CFAP61: variants seen among roughly 807,000 people sequenced by gnomAD.
CFAP61 encodes cilia and flagella associated protein 61, also known as cilia- and flagella-associated protein 61.
A neutral mutation model predicts 135.6 loss-of-function variants in CFAP61; 107 were observed. That is an observed-to-expected ratio of 0.79 (90% CI 0.67 to 0.93). The LOEUF (loss-of-function observed/expected upper bound fraction) is 0.93, where lower values mean the gene tolerates loss of function less well. Among genes scored for constraint, CFAP61 ranks in the 40% least tolerant of loss-of-function variants. CFAP61 has a pLI of 0.00. For synonymous variants in CFAP61, 575 were observed against 578.5 expected (o/e 0.99, Z 0.09); for missense variants, 1,507 against 1,556.2 (o/e 0.97, Z 0.53).
At chr20:20,117,771 G>A (rs932577227) in intron 8 of CFAP61, among the ~76,000 whole-genome samples, 1 of 151,894 alleles carries the variant, frequency 6.6e-6, no homozygotes, top group African/African-American at 2.4e-5. Context: ...TTTTTTATCA[G>A]TGTGTTTTAG....
chr20:20,144,463 A>G (rs1222397267), intron 9 of CFAP61, among the ~76,000 whole-genome samples: 1 of 152,236 alleles, frequency 6.6e-6, no homozygotes, highest in Non-Finnish European at 1.5e-5. Context: ...CAGGTTAGGC[A>G]TTGCAGATGA....
intron 17 of CFAP61, among the ~76,000 whole-genome samples, chr20:20,205,335 C>A (rs757528883): frequency 7.9e-5 from 12 of 152,158 alleles, no homozygotes; most frequent in Non-Finnish European, 1.8e-4. Context: ...CTAAAGCAAA[C>A]AGGCTTGCCA....
At chr20:20,171,860 G>A (rs902761251) in intron 13 of CFAP61, 23 of 669,272 alleles carry the variant, frequency 3.4e-5, no homozygotes, top group Non-Finnish European at 4.4e-5. Flanking sequence ...TCAGACCCAC[G>A]GCCAGAGTGG....
chr20:20,242,840 C>G (rs1390139061), intron 18 of CFAP61, among the ~76,000 whole-genome samples: 1 of 152,180 alleles, frequency 6.6e-6, no homozygotes, highest in East Asian at 1.9e-4. Context: ...TGTAATAAAG[C>G]TAATGTCAGC....
chr20:20,203,560 T>C (rs921032554), intron 17 of CFAP61, among the ~76,000 whole-genome samples: 2 of 152,200 alleles, frequency 1.3e-5, no homozygotes, highest in African/African-American at 2.4e-5. Context: ...ATGCAATGAG[T>C]AATAATCACA....
intron 14 of CFAP61, among the ~76,000 whole-genome samples, chr20:20,190,856 C>T (rs1462762545): frequency 6.6e-6 from 1 of 152,084 alleles, no homozygotes; most frequent in Admixed American, 6.6e-5. Context: ...TGGTGGCTCA[C>T]GCGTGCAATC....
At chr20:20,288,538 A>G in intron 22 of CFAP61, 71 bp from the exon 23 acceptor site, 1 of 1,178,984 alleles carries the variant, frequency 8.5e-7, no homozygotes, top group Non-Finnish European at 1.2e-6. Flanking sequence ...TGCCCTGGAG[A>G]CTAGTCACAC....
intron 20 of CFAP61, among the ~76,000 whole-genome samples, chr20:20,255,602 C>T (rs561060901): frequency 1.3e-5 from 2 of 151,600 alleles, no homozygotes; most frequent in Admixed American, 6.6e-5. Context: ...CAGCCTTCTA[C>T]ACACAGCAGG....
intron 2 of CFAP61, among the ~76,000 whole-genome samples, chr20:20,064,037 C>CCCCCA (rs1555833274): frequency 8.2e-6 from 1 of 121,760 alleles, no homozygotes; most frequent in South Asian, 3.1e-4. Flanking sequence ...GAGTAACCGC[C>CCCCCA]CCCCACCCCG....
intron 25 of CFAP61, among the ~76,000 whole-genome samples, chr20:20,305,751 T>A (rs1211703696): frequency 6.6e-6 from 1 of 152,206 alleles, no homozygotes; most frequent in Admixed American, 6.5e-5. Context: ...TTCTCTTCCT[T>A]TTGCTTCCCA....
chr20:20,107,515 A>T (rs2048493559), intron 8 of CFAP61: 1 of 152,238 alleles, frequency 6.6e-6, no homozygotes, highest in South Asian at 2.1e-4. Flanking sequence ...AGCTTAATTT[A>T]GTATATGAAG....
At chr20:20,174,927 C>G (rs951647209) in intron 13 of CFAP61, among the ~76,000 whole-genome samples, 4 of 152,202 alleles carry the variant, frequency 2.6e-5, no homozygotes, top group African/African-American at 7.2e-5. Context: ...ACAGGGCCTT[C>G]CCTTTCTGTC....
intron 19 of CFAP61, among the ~76,000 whole-genome samples, chr20:20,247,796 A>G (rs1569187645): frequency 6.6e-6 from 1 of 152,180 alleles, no homozygotes; most frequent in South Asian, 2.1e-4. Context: ...GCAACGGGCA[A>G]GTCCCCACCT....
At chr20:20,093,571 A>G (rs2047358910) in intron 7 of CFAP61, among the ~76,000 whole-genome samples, 1 of 150,682 alleles carries the variant, frequency 6.6e-6, no homozygotes, top group South Asian at 2.1e-4. Flanking sequence ...AGTAGCTGGG[A>G]TTACATGCAT....
In CFAP61 at chr20:20,360,378, C is replaced by G. The variant is rs1457126757; in HGVS notation, c.3682C>G (p.Leu1228Val). ...LDYLHYNRYH[L>V]PMYAWPGIV ...CTACCTGCACTATAACCGCTACCAC[C>G]TGCCCATGTACGCGTGGCCAGGCAT... The change falls in exon 27 of 27, where the codon CTG (leucine) becomes GTG (valine). Residue 1228 changes from leucine to valine, a missense_variant. Leu to Val is a conservative substitution (Grantham distance 32). Coordinates refer to ENST00000245957, the MANE Select transcript of CFAP61 (RefSeq NM_015585.4). 1 of 1,613,912 alleles carries G rather than the reference C, an allele frequency of 6.2e-7. No individual in the cohort carries two copies. Among genetic ancestry groups the G allele is most frequent in the East Asian group, 2.2e-5 (1 of 44,890 alleles).
At chr20:20,199,608 T>G (rs2056497614) in intron 16 of CFAP61, 160 bp from the exon 17 acceptor site, 1 of 218,934 alleles carries the variant, frequency 4.6e-6, no homozygotes, top group Admixed American at 6.5e-5. Flanking sequence ...CTACAATTCA[T>G]TCCTCTGCTC....
chr20:20,214,079 G>A (rs1480058846), intron 17 of CFAP61, among the ~76,000 whole-genome samples: 1 of 152,194 alleles, frequency 6.6e-6, no homozygotes, highest in Non-Finnish European at 1.5e-5. Flanking sequence ...ATGTAAGGTA[G>A]CAGCTAGAAC....
At chr20:20,339,969 C>T (rs561306943) in intron 25 of CFAP61, among the ~76,000 whole-genome samples, 9 of 152,334 alleles carry the variant, frequency 5.9e-5, no homozygotes, top group East Asian at 5.8e-4. Context: ...CCACAAGATC[C>T]GAGACACCCT....
intron 24 of CFAP61, among the ~76,000 whole-genome samples, chr20:20,294,937 AAATAATAAT>A (rs11474551): frequency 0.022 from 3,164 of 142,886 alleles, 65 homozygotes; most frequent in South Asian, 0.054. Context: ...TCCGTCTCAA[AAATAATAAT>A]AATAATAATA....
Sources: gnomAD v4.1 joint callset for allele counts (sites outside exome capture counted in the v4.1 genomes callset) on GRCh38, gnomAD v4.1.1 for gene constraint, MANE v1.5 for transcripts, NCBI Gene and HGNC (gene_info 2026-07-23, HGNC 2026-07-21) for gene names.